The following CTNNA2 variants were observed in gnomAD, a reference collection of about 807,000 sequenced individuals.
The protein encoded by CTNNA2 is catenin alpha 2, also known as catenin alpha-2.
A neutral mutation model predicts 101.0 loss-of-function variants in CTNNA2; 42 were observed. The observed-to-expected ratio is 0.42, with a 90% CI of 0.32 to 0.54. The LOEUF is 0.54. CTNNA2 is among the 20% of genes least tolerant of loss of function. The pLI, the probability that CTNNA2 is intolerant of heterozygous loss-of-function variation, is 0.14. For synonymous variants in CTNNA2, 450 were observed against 456.4 expected (o/e 0.99, Z 0.18); for missense variants, 871 against 1,223.1 (o/e 0.71, Z 4.29).
intron 4 of CTNNA2, among the ~76,000 whole-genome samples, chr2:79,475,159 T>A (rs555919934): frequency 1.3e-5 from 2 of 152,268 alleles, no homozygotes; most frequent in South Asian, 2.1e-4. Context: ...CCCATAATTT[T>A]TTTTTTTACT....
chr2:80,163,074 T>A, intron 7 of CTNNA2: 1 of 1,573,666 alleles, frequency 6.4e-7, no homozygotes, highest in East Asian at 2.2e-5. Context: ...TACTTCATGT[T>A]TGAAATTCAC....
intron 2 of CTNNA2, among the ~76,000 whole-genome samples, chr2:79,250,227 G>A (rs899056499): frequency 9.7e-5 from 14 of 144,580 alleles, no homozygotes; most frequent in Admixed American, 2.1e-4. Context: ...CCTGTTTGTA[G>A]CCTATTTAGG....
At chr2:80,328,307 GCTGCA>G (rs1409023200) in intron 7 of CTNNA2, 5 of 471,074 alleles carry the variant, frequency 1.1e-5, no homozygotes, top group African/African-American at 8.0e-5. Context: ...GAATGAGGAA[GCTGCA>G]TTGGAACCTT....
At chr2:80,316,617 A>G (rs1678150455) in intron 7 of CTNNA2, among the ~76,000 whole-genome samples, 1 of 152,196 alleles carries the variant, frequency 6.6e-6, no homozygotes, top group Non-Finnish European at 1.5e-5. Flanking sequence ...AGAGAGAGGA[A>G]AAAGCAATTT....
At chr2:79,927,755 G>T (rs1021202682) in intron 7 of CTNNA2, among the ~76,000 whole-genome samples, 2 of 152,068 alleles carry the variant, frequency 1.3e-5, no homozygotes, top group African/African-American at 2.4e-5. Flanking sequence ...GTTGCTTATT[G>T]TATTCACACA....
At chr2:79,515,436 G>C (rs1321737676) in intron 1 of CTNNA2, among the ~76,000 whole-genome samples, 1 of 152,198 alleles carries the variant, frequency 6.6e-6, no homozygotes, top group East Asian at 1.9e-4. Flanking sequence ...ATGTGGGGAG[G>C]TGGCAGCCCC....
intron 2 of CTNNA2, among the ~76,000 whole-genome samples, chr2:79,219,928 C>T (rs1045804002): frequency 2.0e-5 from 3 of 152,150 alleles, no homozygotes; most frequent in African/African-American, 7.2e-5. Flanking sequence ...TTCTGCTATT[C>T]GAAAGCGCTC....
intron 7 of CTNNA2, among the ~76,000 whole-genome samples, chr2:80,386,561 A>G (rs1248530416): frequency 6.6e-6 from 1 of 152,194 alleles, no homozygotes; most frequent in Admixed American, 6.5e-5. Context: ...TGTTGGATCA[A>G]TAGATAATTT....
chr2:80,190,359 G>T (rs1379786778), intron 7 of CTNNA2, among the ~76,000 whole-genome samples: 1 of 152,052 alleles, frequency 6.6e-6, no homozygotes, highest in Non-Finnish European at 1.5e-5. Context: ...AGTGGCCTGG[G>T]CAGGAAAACT....
intron 3 of CTNNA2, among the ~76,000 whole-genome samples, chr2:79,798,257 C>A (rs996092957): frequency 1.3e-5 from 2 of 152,108 alleles, no homozygotes; most frequent in Non-Finnish European, 2.9e-5. Context: ...GGTACTAATC[C>A]CCTAGGCATC....
chr2:79,400,252 T>C (rs1296048494), intron 4 of CTNNA2, among the ~76,000 whole-genome samples: 3 of 152,014 alleles, frequency 2.0e-5, no homozygotes, highest in African/African-American at 4.8e-5. Context: ...GATTGTCCTT[T>C]GTCTACAAGG....
At chr2:80,559,891 T>TATATATATATATATATATACAC (rs1553387588) in intron 12 of CTNNA2, among the ~76,000 whole-genome samples, 1 of 146,818 alleles carries the variant, frequency 6.8e-6, no homozygotes, top group South Asian at 2.1e-4. Context: ...TATATATATA[T>TATATATATATATATATATACAC]ACACACACAT....
chr2:79,603,650 G>C (rs1348714854), intron 1 of CTNNA2, among the ~76,000 whole-genome samples: 2 of 152,164 alleles, frequency 1.3e-5, no homozygotes, highest in African/African-American at 2.4e-5. Context: ...TAAACTAACT[G>C]ATAATTAGAG....
intron 2 of CTNNA2, among the ~76,000 whole-genome samples, chr2:79,289,106 A>C (rs1047619565): frequency 1.3e-5 from 2 of 152,182 alleles, no homozygotes; most frequent in African/African-American, 4.8e-5. Context: ...TACAAGTCTG[A>C]GAGAATCTAT....
chr2:79,784,354 T>G (rs1674679971), intron 3 of CTNNA2, among the ~76,000 whole-genome samples: 1 of 151,854 alleles, frequency 6.6e-6, no homozygotes, highest in African/African-American at 2.4e-5. Context: ...GAACTTCTCT[T>G]GTAACACTCA....
chr2:80,112,649 G>C (rs773535957), intron 7 of CTNNA2, among the ~76,000 whole-genome samples: 31 of 152,208 alleles, frequency 2.0e-4, no homozygotes, highest in Non-Finnish European at 3.8e-4. Flanking sequence ...GTATAGTCAA[G>C]TTTCTCTCTG....
chr2:80,515,693 A>G (rs1689058395), intron 9 of CTNNA2, among the ~76,000 whole-genome samples: 1 of 152,218 alleles, frequency 6.6e-6, no homozygotes, highest in Non-Finnish European at 1.5e-5. Context: ...TATTCACCAC[A>G]TGAGCTCAGA....
intron 2 of CTNNA2, among the ~76,000 whole-genome samples, chr2:79,684,910 C>T (rs1423743210): frequency 6.6e-6 from 1 of 152,168 alleles, no homozygotes; most frequent in Admixed American, 6.5e-5. Context: ...GTGAGCTCCG[C>T]CCTCTTTCCC....
At chr2:79,652,242 T>A (rs1681310965) in intron 2 of CTNNA2, among the ~76,000 whole-genome samples, 1 of 146,912 alleles carries the variant, frequency 6.8e-6, no homozygotes, top group African/African-American at 2.7e-5. Flanking sequence ...GATGTGATTT[T>A]TTTTTTTTTT....
Sources: allele counts gnomAD v4.1 joint callset (sites outside exome capture counted in the v4.1 genomes callset), GRCh38; gene constraint gnomAD v4.1.1; transcripts MANE v1.5; gene names NCBI Gene and HGNC (gene_info 2026-07-23, HGNC 2026-07-21).